The following DMD variants were observed in gnomAD, a reference collection of about 807,000 sequenced individuals.
DMD encodes dystrophin, also known as mutant dystrophin.
In DMD, 63 loss-of-function variants were observed where a neutral mutation model predicts 330.1. The observed-to-expected ratio is 0.19, with a 90% CI of 0.16 to 0.24. The LOEUF (loss-of-function observed/expected upper bound fraction) is 0.24, where lower values mean the gene tolerates loss of function less well. DMD is among the 10% of genes least tolerant of loss of function. DMD has a pLI of 1.00. For synonymous variants in DMD, 1,223 were observed against 959.8 expected, an observed-to-expected ratio of 1.27 and a Z score of -5.07; for missense variants, 3,344 against 2,684.1, an observed-to-expected ratio of 1.25 and a Z score of -5.43.
chrX:32,342,019 C>T (rs763136338), intron 41 of DMD, 81 bp downstream of exon 41: 7 of 833,862 alleles, frequency 8.4e-6, no homozygotes, highest in African/African-American at 4.2e-5. Context: ...GATTTTTTGT[C>T]TCTTTTTTTT....
chrX:32,809,341 T>G, intron 7 of DMD, 152 bp downstream of exon 7: 1 of 483,470 alleles, frequency 2.1e-6, no homozygotes, highest in Admixed American at 3.0e-5. Flanking sequence ...ATTCATAATA[T>G]AGTGCAAGAA....
chrX:32,186,970 A>G, intron 44 of DMD, among the ~76,000 whole-genome samples: 1 of 111,048 alleles, frequency 9.0e-6, no homozygotes, highest in Non-Finnish European at 1.9e-5. Context: ...ATGACTATCT[A>G]AAAAGAATTA....
intron 1 of DMD, among the ~76,000 whole-genome samples, chrX:33,058,520 C>G (rs901130533): frequency 3.7e-5 from 4 of 107,362 alleles, no homozygotes; most frequent in Non-Finnish European, 7.7e-5. Flanking sequence ...CCAGGATAGT[C>G]TAAAACTCCT....
chrX:31,771,068 C>T (rs899123605), intron 51 of DMD, among the ~76,000 whole-genome samples: 1 of 111,240 alleles, frequency 9.0e-6, no homozygotes, highest in Non-Finnish European at 1.9e-5. Context: ...TAATTTTTCA[C>T]ACATCAAACA....
At chrX:32,396,784 T>C (rs1247828891) in intron 30 of DMD, among the ~76,000 whole-genome samples, 5 of 111,650 alleles carry the variant, frequency 4.5e-5, no homozygotes, top group Non-Finnish European at 9.4e-5. Context: ...ATGACACATA[T>C]TTGCCAGCAT....
intron 2 of DMD, among the ~76,000 whole-genome samples, chrX:32,942,205 C>G (rs1323301115): frequency 9.0e-6 from 1 of 111,591 alleles, no homozygotes; most frequent in African/African-American, 3.3e-5. Context: ...TAGGAATTTC[C>G]TATGTCGTTA....
At chrX:32,563,342 C>CAAAAAAAAAAAAAAAAAAA (rs745316161) in intron 16 of DMD, among the ~76,000 whole-genome samples, 1 of 42,851 alleles carries the variant, frequency 2.3e-5, no homozygotes, top group African/African-American at 9.1e-5. Flanking sequence ...GACTCCATCT[C>CAAAAAAAAAAAAAAAAAAA]AAAAAAAAAA....
At chrX:32,670,198 GTGTC>G (rs1232103033) in intron 9 of DMD, among the ~76,000 whole-genome samples, 1 of 111,670 alleles carries the variant, frequency 9.0e-6, no homozygotes, top group Non-Finnish European at 1.9e-5. Flanking sequence ...AGCTGTAAGA[GTGTC>G]TGTCTCCTCT....
At chrX:31,812,774 T>C (rs2092502011) in intron 50 of DMD, among the ~76,000 whole-genome samples, 1 of 111,801 alleles carries the variant, frequency 8.9e-6, no homozygotes, top group Non-Finnish European at 1.9e-5. Flanking sequence ...ACCCACTCTG[T>C]CACTGACTAG....
chrX:32,812,226 A>G (rs761096196), intron 6 of DMD, among the ~76,000 whole-genome samples: 1 of 111,948 alleles, frequency 8.9e-6, no homozygotes, highest in East Asian at 2.8e-4. Flanking sequence ...ATTTGAATCT[A>G]TTAATGGACT....
At chrX:31,579,335 A>T (rs1379888282) in intron 55 of DMD, among the ~76,000 whole-genome samples, 1 of 112,483 alleles carries the variant, frequency 8.9e-6, no homozygotes, top group Non-Finnish European at 1.9e-5. Flanking sequence ...ATTGTGTGAT[A>T]AAAGTGCAAA....
chrX:31,260,034 C>G (rs1160996547), intron 63 of DMD, among the ~76,000 whole-genome samples: 1 of 111,292 alleles, frequency 9.0e-6, no homozygotes, highest in Non-Finnish European at 1.9e-5. Context: ...AAAAACACAG[C>G]CTGGGCAACA....
chrX:32,810,843 C>T (rs2077317803), intron 6 of DMD, among the ~76,000 whole-genome samples: 1 of 111,507 alleles, frequency 9.0e-6, no homozygotes, highest in South Asian at 3.7e-4. Flanking sequence ...CCAACAGGGT[C>T]CAGGTCCCTA....
chrX:33,006,485 G>A (rs1262977201), intron 2 of DMD, among the ~76,000 whole-genome samples: 1 of 111,669 alleles, frequency 9.0e-6, no homozygotes, highest in Non-Finnish European at 1.9e-5. Context: ...CAATAGAATG[G>A]AGCAAAGATA....
intron 7 of DMD, among the ~76,000 whole-genome samples, chrX:32,713,739 A>G (rs1444934555): frequency 4.5e-5 from 5 of 111,953 alleles, no homozygotes; most frequent in Non-Finnish European, 1.9e-5. Context: ...ATAGATACAC[A>G]GAGAGTCGCA....
intron 7 of DMD, among the ~76,000 whole-genome samples, chrX:32,733,478 C>T (rs1254279202): frequency 2.7e-5 from 3 of 110,893 alleles, no homozygotes; most frequent in Admixed American, 9.6e-5. Context: ...CAGCACCACA[C>T]CACACCTATT....
At chrX:32,085,611 TATATACGTATATATATACAC>T (rs1314697399) in intron 44 of DMD, among the ~76,000 whole-genome samples, 1 of 91,683 alleles carries the variant, frequency 1.1e-5, no homozygotes, top group Non-Finnish European at 2.1e-5. Context: ...TATGTGTATA[TATATACGTATATATATACAC>T]ATATATACGT....
chrX:31,843,167 T>C (rs2093349048), intron 48 of DMD, among the ~76,000 whole-genome samples: 1 of 112,103 alleles, frequency 8.9e-6, no homozygotes, highest in Non-Finnish European at 1.9e-5. Context: ...TTGTGAATAG[T>C]GCTGCAGTGA....
At chrX:32,979,710 G>T (rs2092650788) in intron 2 of DMD, among the ~76,000 whole-genome samples, 1 of 111,727 alleles carries the variant, frequency 9.0e-6, no homozygotes, top group Non-Finnish European at 1.9e-5. Flanking sequence ...CAATTCTGCT[G>T]GCTGTTGTAA....
Sources: gnomAD v4.1 joint callset for allele counts (sites outside exome capture counted in the v4.1 genomes callset) on GRCh38, gnomAD v4.1.1 for gene constraint, MANE v1.5 for transcripts, NCBI Gene and HGNC (gene_info 2026-07-23, HGNC 2026-07-21) for gene names.